Variants in CELF4 observed in about 807,000 individuals in gnomAD.
The protein encoded by CELF4 is CUGBP Elav-like family member 4, also known as CUG-BP- and ETR-3-like factor 4.
CELF4 carries 18 observed loss-of-function variants against 59.9 expected under a neutral mutation model. The ratio of observed to expected loss-of-function variants is 0.30; its 90% CI spans 0.21 to 0.45. The LOEUF (loss-of-function observed/expected upper bound fraction) is 0.45. CELF4 is among the 20% of genes least tolerant of loss of function. CELF4 has a pLI of 1.00. For synonymous variants in CELF4, 261 were observed against 267.1 expected (o/e 0.98, Z 0.22); for missense variants, 456 against 689.0 (o/e 0.66, Z 3.79).
At chr18:37,462,667 C>T (rs898376954) in intron 2 of CELF4, among the ~76,000 whole-genome samples, 8 of 152,162 alleles carry the variant, frequency 5.3e-5, no homozygotes, top group Admixed American at 3.9e-4. Flanking sequence ...TTGGAAGATG[C>T]TTGCTAGGGC....
chr18:37,248,858 G>A (rs566284150), intron 12 of CELF4, among the ~76,000 whole-genome samples: 1 of 151,880 alleles, frequency 6.6e-6, no homozygotes, highest in Admixed American at 6.6e-5. Flanking sequence ...TCAGGCCTGG[G>A]CCAAGGCCTG....
At chr18:37,536,322 A>G (rs1373609409) in intron 1 of CELF4, among the ~76,000 whole-genome samples, 2 of 152,146 alleles carry the variant, frequency 1.3e-5, no homozygotes, top group African/African-American at 4.8e-5. Flanking sequence ...CAGAGTCCCA[A>G]GGGACAGGTG....
chr18:37,252,675 G>A (rs1434026757), intron 12 of CELF4, among the ~76,000 whole-genome samples: 2 of 137,384 alleles, frequency 1.5e-5, no homozygotes, highest in African/African-American at 5.5e-5. Context: ...CTTCCTCAGT[G>A]AGATCTACAC....
intron 3 of CELF4, among the ~76,000 whole-genome samples, chr18:37,285,710 C>T (rs1027146769): frequency 1.3e-5 from 2 of 152,218 alleles, no homozygotes; most frequent in African/African-American, 2.4e-5. Context: ...CGGACCCTTG[C>T]CCTGTGAGTT....
chr18:37,295,822 G>A (rs1444219283), intron 3 of CELF4, among the ~76,000 whole-genome samples: 2 of 152,184 alleles, frequency 1.3e-5, no homozygotes, highest in Non-Finnish European at 2.9e-5. Context: ...CAGCATTGGC[G>A]GCGAGAGGAA....
At chr18:37,422,844 C>T (rs976422091) in intron 2 of CELF4, among the ~76,000 whole-genome samples, 5 of 152,172 alleles carry the variant, frequency 3.3e-5, no homozygotes, top group African/African-American at 9.6e-5. Context: ...GAAGTCATCC[C>T]TCGTCCTATT....
intron 2 of CELF4, among the ~76,000 whole-genome samples, chr18:37,326,349 T>A (rs563782658): frequency 7.8e-4 from 119 of 152,296 alleles, no homozygotes; most frequent in Non-Finnish European, 1.3e-3. Context: ...GGCCATGGCC[T>A]CAGGACCCCT....
chr18:37,313,724 G>C (rs2096759569), intron 3 of CELF4, among the ~76,000 whole-genome samples: 1 of 152,224 alleles, frequency 6.6e-6, no homozygotes, highest in African/African-American at 2.4e-5. Context: ...AATGCTCGGA[G>C]GAGTAATGAG....
chr18:37,338,571 G>A (rs1461030439), intron 2 of CELF4, among the ~76,000 whole-genome samples: 1 of 152,172 alleles, frequency 6.6e-6, no homozygotes, highest in Non-Finnish European at 1.5e-5. Context: ...AGCCTTCTAG[G>A]GGCCCCTCAC....
intron 1 of CELF4, among the ~76,000 whole-genome samples, chr18:37,508,708 G>C (rs1302855860): frequency 6.6e-6 from 1 of 152,230 alleles, no homozygotes; most frequent in Non-Finnish European, 1.5e-5. Flanking sequence ...CTGGTGGACT[G>C]GGGGCCTGAA....
intron 1 of CELF4, among the ~76,000 whole-genome samples, chr18:37,532,253 C>G (rs1475814318): frequency 6.6e-6 from 1 of 152,226 alleles, no homozygotes; most frequent in Non-Finnish European, 1.5e-5. Flanking sequence ...CAAGTCAGCC[C>G]CTCAGGAGAC....
At chr18:37,474,541 G>A (rs562025423) in intron 2 of CELF4, among the ~76,000 whole-genome samples, 23 of 152,354 alleles carry the variant, frequency 1.5e-4, no homozygotes, top group African/African-American at 5.3e-4. Context: ...GGGCTCTGGC[G>A]CCAGATCTCT....
intron 2 of CELF4, among the ~76,000 whole-genome samples, chr18:37,390,814 GC>G (rs2099152970): frequency 7.9e-6 from 1 of 126,328 alleles, no homozygotes; most frequent in Non-Finnish European, 1.7e-5. Context: ...GGGAGGGGGG[GC>G]AGTGCTGCTG....
intron 1 of CELF4, among the ~76,000 whole-genome samples, chr18:37,503,873 A>G (rs1170173076): frequency 1.3e-5 from 2 of 151,408 alleles, no homozygotes; most frequent in East Asian, 3.9e-4. Flanking sequence ...CTCTCCCAAG[A>G]CTCTCCTTTT....
intron 2 of CELF4, among the ~76,000 whole-genome samples, chr18:37,338,901 C>T (rs2097885283): frequency 6.6e-6 from 1 of 151,874 alleles, no homozygotes; most frequent in Admixed American, 6.6e-5. Context: ...CTTTTTCTTC[C>T]CTCCACCTTT....
At chr18:37,553,631 G>A (rs2099983904) in intron 1 of CELF4, among the ~76,000 whole-genome samples, 1 of 152,126 alleles carries the variant, frequency 6.6e-6, no homozygotes, top group South Asian at 2.1e-4. Flanking sequence ...ATACTTTTTG[G>A]GTTTTCTGAT....
At chr18:37,498,425 C>A (rs1369477286) in intron 1 of CELF4, among the ~76,000 whole-genome samples, 2 of 143,338 alleles carry the variant, frequency 1.4e-5, no homozygotes, top group African/African-American at 5.2e-5. Context: ...CTCTTCTCCC[C>A]TCCCCTCCCT....
chr18:37,383,883 C>T (rs955564903), intron 2 of CELF4, among the ~76,000 whole-genome samples: 1 of 152,092 alleles, frequency 6.6e-6, no homozygotes, highest in African/African-American at 2.4e-5. Context: ...AGACCCTCAG[C>T]GATTGGAAAA....
At chr18:37,502,171 C>A (rs568250506) in intron 1 of CELF4, among the ~76,000 whole-genome samples, 1 of 152,134 alleles carries the variant, frequency 6.6e-6, no homozygotes, top group Non-Finnish European at 1.5e-5. Context: ...CCTCTGGACT[C>A]GAGCTAACTT....
Sources: gnomAD v4.1 joint callset for allele counts (sites outside exome capture counted in the v4.1 genomes callset) on GRCh38, gnomAD v4.1.1 for gene constraint, MANE v1.5 for transcripts, NCBI Gene and HGNC (gene_info 2026-07-23, HGNC 2026-07-21) for gene names.